The following PTPRQ variants were observed in gnomAD, a reference collection of about 807,000 sequenced individuals.
PTPRQ encodes the protein phosphatidylinositol phosphatase PTPRQ.
In PTPRQ, 199 loss-of-function variants were observed where a neutral mutation model predicts 246.0. The observed-to-expected ratio is 0.81, with a 90% CI of 0.72 to 0.91. The LOEUF (loss-of-function observed/expected upper bound fraction) is 0.91. PTPRQ is among the 40% of genes least tolerant of loss of function. The pLI is 0.00. For missense variants in PTPRQ, 2,624 were observed against 2,528.4 expected, an observed-to-expected ratio of 1.04 and a Z score of -0.81; for synonymous variants, 869 against 853.2, an observed-to-expected ratio of 1.02 and a Z score of -0.32.
chr12:80,463,804 G>C (rs1258396375), intron 6 of PTPRQ, among the ~76,000 whole-genome samples: 2 of 151,124 alleles, frequency 1.3e-5, no homozygotes, highest in Admixed American at 6.6e-5. Flanking sequence ...ATACTTTACA[G>C]ACAAGCAAAT....
chr12:80,518,262 C>T (rs1315361790), intron 17 of PTPRQ, among the ~76,000 whole-genome samples: 4 of 151,994 alleles, frequency 2.6e-5, no homozygotes, highest in Admixed American at 2.6e-4. Context: ...TCATAAGCCC[C>T]CTTGACATCT....
chr12:80,519,623 A>G lies in PTPRQ; in HGVS notation c.2678+9180A>G, dbSNP rs537475598. ...ACCTGCTACAGGAGGAGCTATGAAT[A>G]TTCAGGAAGGTGGTCCTGACACATG... On this transcript the variant is annotated intron_variant, in intron 17 of 44. Transcript: ENST00000644991. Among the ~76,000 whole-genome samples, 13 of 152,288 alleles carry G rather than the reference A, an allele frequency of 8.5e-5. No homozygotes were observed. In the East Asian group the frequency reaches 2.3e-3, roughly 27 times the overall value.
chr12:80,587,477 A>G (rs889840550), intron 25 of PTPRQ, among the ~76,000 whole-genome samples: 36 of 152,286 alleles, frequency 2.4e-4, no homozygotes, highest in Admixed American at 1.1e-3. Context: ...CATGAGCTTT[A>G]TTGTATCCTG....
chr12:80,575,849 A>G (rs1454569334), intron 25 of PTPRQ, among the ~76,000 whole-genome samples: 1 of 150,886 alleles, frequency 6.6e-6, no homozygotes, highest in Non-Finnish European at 1.5e-5. Flanking sequence ...CAAAAAAAAA[A>G]AAAAAAAAGA....
chr12:80,534,058 T>C lies in PTPRQ; in HGVS notation c.2722T>C (p.Leu908=), dbSNP rs1895918031. ...AACTATTAATGTCACTGAAACATCATTGGAGTTATCAGATTTGGATTATAA... is the reference window on the plus strand; with the variant it reads ...AACTATTAATGTCACTGAAACATCACTGGAGTTATCAGATTTGGATTATAA... ...LKTINVTETS[L]ELSDLDYNVE... The change falls in exon 18 of 45, where the codon TTG becomes CTG. Residue 908 remains leucine (L), a synonymous_variant. Coordinates refer to ENST00000644991, the MANE Select transcript of PTPRQ (RefSeq NM_001145026.2). 5 of 1,534,432 alleles carry C rather than the reference T, an allele frequency of 3.3e-6. No individual in the cohort carries two copies. Among genetic ancestry groups the C allele is most frequent in the Admixed American group, 2.1e-5 (1 of 47,730 alleles).
chr12:80,598,443 A>G (rs537098659), intron 26 of PTPRQ, among the ~76,000 whole-genome samples: 9 of 152,054 alleles, frequency 5.9e-5, no homozygotes, highest in African/African-American at 2.2e-4. Context: ...GATGAATCCA[A>G]TTGCAGAGCT....
chr12:80,543,031 G>A (rs950525423), intron 23 of PTPRQ, 150 bp downstream of exon 23: 3 of 603,232 alleles, frequency 5.0e-6, no homozygotes, highest in Non-Finnish European at 8.0e-6. Context: ...GATGCTTATG[G>A]AAAACACAAG....
rs1421345232 is a variant in PTPRQ, at chr12:80,586,136, G to T, written c.4286-1993G>T. Among the ~76,000 whole-genome samples, 4 of 151,736 alleles carry T rather than the reference G, an allele frequency of 2.6e-5. No homozygotes were observed. The East Asian group carries it at 7.8e-4, about 29-fold the overall frequency. ...CATTTTCTTAATCCAGTCTATCATT[G>T]TTGGACATTTGGGTTGGTTCCAAGT... On this transcript the variant is annotated intron_variant, in intron 25 of 44. Transcript: ENST00000644991.
At position 80,542,833 on chromosome 12, in the gene PTPRQ, A is replaced by T. The variant is rs1453482618; in HGVS notation, c.3825A>T (p.Val1275=). 1 of 1,545,222 alleles carries T rather than the reference A, an allele frequency of 6.5e-7. No individual in the cohort carries two copies. Among genetic ancestry groups the T allele is most frequent in the Non-Finnish European group, 8.7e-7 (1 of 1,144,204 alleles). Residue 1275 remains valine, a synonymous_variant, in exon 23 of 45, where the codon GTA becomes GTT. Coordinates refer to ENST00000644991, the MANE Select transcript of PTPRQ (RefSeq NM_001145026.2). ...PSPLPGGIVK[V]YSFKIHEHET... ...CTCTTCCAGGTGGTATTGTTAAAGT[A>T]TATAGTTTTAAAATTCATGAACATG... is the stretch of plus-strand genomic sequence containing the variant.
rs183380155 is a variant in PTPRQ, at chr12:80,535,188, G to A, written c.2985+151G>A. On this transcript the variant is annotated intron_variant, in intron 19 of 44. Transcript: ENST00000644991. The stretch of plus-strand genomic sequence containing the variant: ...AACTCCCATTGACATAGAAAAATGC[G>A]GTGTAGAAATGTCAGATACATTTAA... Among the ~76,000 whole-genome samples, 5 of 150,770 alleles carry A rather than the reference G, an allele frequency of 3.3e-5. No individual in the cohort carries two copies. In the South Asian group the frequency reaches 8.5e-4, roughly 26 times the overall value.
chr12:80,586,573 G>A (rs1897626639), intron 25 of PTPRQ: 1 of 152,024 alleles, frequency 6.6e-6, no homozygotes, highest in Admixed American at 6.6e-5. Flanking sequence ...TATAAATCAT[G>A]CTGCTATAAA....
chr12:80,613,059 A>G (rs1898614556), intron 28 of PTPRQ, among the ~76,000 whole-genome samples: 2 of 150,536 alleles, frequency 1.3e-5, no homozygotes, highest in South Asian at 4.1e-4. Context: ...TGGTTAAAGG[A>G]ATCTATACAG....
At position 80,527,351 on chromosome 12, in the gene PTPRQ, G is replaced by A. The variant is rs188262728; in HGVS notation, c.2679-6664G>A. On this transcript the variant is annotated intron_variant, in intron 17 of 44. Coordinates refer to ENST00000644991, the MANE Select transcript of PTPRQ (RefSeq NM_001145026.2). ...TTCATTATTATACTATACTATTATTGTTCACAAAAATTGACCCTTTTCCAA... is the reference window on the plus strand; with the variant it reads ...TTCATTATTATACTATACTATTATTATTCACAAAAATTGACCCTTTTCCAA... Among the ~76,000 whole-genome samples the A allele has an allele frequency of 8.6e-4, 130 of 151,892 alleles. 3 individuals are homozygous for A. The highest frequency in any genetic ancestry group is 3.0e-3 in the African/African-American group (125 of 41,476).
At chr12:80,491,359 A>C (rs1460696679) in intron 9 of PTPRQ, among the ~76,000 whole-genome samples, 1 of 151,956 alleles carries the variant, frequency 6.6e-6, no homozygotes, top group East Asian at 1.9e-4. Flanking sequence ...TATTGACTGC[A>C]ACACCAGAGC....
intron 26 of PTPRQ, among the ~76,000 whole-genome samples, chr12:80,593,165 C>T (rs1242607247): frequency 1.3e-5 from 2 of 152,106 alleles, no homozygotes; most frequent in Non-Finnish European, 2.9e-5. Flanking sequence ...TAAAGTTGTA[C>T]TCAAGCACTT....
chr12:80,505,521 A>G (rs1311335460), intron 14 of PTPRQ, among the ~76,000 whole-genome samples: 2 of 151,908 alleles, frequency 1.3e-5, no homozygotes, highest in Non-Finnish European at 2.9e-5. Context: ...ACAGAAAACT[A>G]GTGTTTTACT....
In PTPRQ at chr12:80,607,712, C is replaced by G. The variant is rs533067461; in HGVS notation, c.4731+2532C>G. Among the ~76,000 whole-genome samples, 5 of 150,992 alleles carry G rather than the reference C, an allele frequency of 3.3e-5. No individual in the cohort carries two copies. The East Asian group carries it at 9.7e-4, about 29-fold the overall frequency. The stretch of plus-strand genomic sequence containing the variant: ...TGTGCAGCCTGTCTTCTACAAAATA[C>G]TAGCCACACCGATAAAACTCTTAAC... On this transcript the variant is annotated intron_variant, in intron 27 of 44. Transcript: ENST00000644991.
At chr12:80,584,541 A>G (rs1334484705) in intron 25 of PTPRQ, among the ~76,000 whole-genome samples, 1 of 152,156 alleles carries the variant, frequency 6.6e-6, no homozygotes. Context: ...TTGCCTGACA[A>G]GCTATCTATA....
At chr12:80,490,649 A>G (rs1011967915) in intron 9 of PTPRQ, among the ~76,000 whole-genome samples, 5 of 151,980 alleles carry the variant, frequency 3.3e-5, no homozygotes, top group Non-Finnish European at 7.4e-5. Context: ...TAAACATCCT[A>G]CAATGTACAG....
Sources: gnomAD v4.1 joint callset for allele counts (sites outside exome capture counted in the v4.1 genomes callset) on GRCh38, gnomAD v4.1.1 for gene constraint, MANE v1.5 for transcripts, NCBI Gene and HGNC (gene_info 2026-07-23, HGNC 2026-07-21) for gene names.